Variants in PPFIBP2 observed in about 807,000 individuals in gnomAD.
PPFIBP2 encodes the protein PPFIB scaffold protein 2.
Under a neutral mutation model 118.3 loss-of-function variants are expected in PPFIBP2, and 118 were observed. That is an observed-to-expected ratio of 1.00 (90% CI 0.86 to 1.16). PPFIBP2 has a LOEUF of 1.16. PPFIBP2 is among the 50% of genes most tolerant of loss of function. The probability of loss-of-function intolerance (pLI) is 0.00; values close to 1 mark genes in which losing one functional copy is unlikely to be tolerated. For synonymous variants in PPFIBP2, 414 were observed against 397.4 expected (o/e 1.04, Z -0.50); for missense variants, 1,195 against 1,073.1 (o/e 1.11, Z -1.59).
intron 7 of PPFIBP2, among the ~76,000 whole-genome samples, chr11:7,621,810 G>A (rs1179799328): frequency 6.6e-6 from 1 of 152,216 alleles, no homozygotes; most frequent in African/African-American, 2.4e-5. Flanking sequence ...CCACCCAAGG[G>A]CATTACTGGA....
intron 1 of PPFIBP2, among the ~76,000 whole-genome samples, chr11:7,534,586 G>T (rs972851867): frequency 1.3e-5 from 2 of 152,164 alleles, no homozygotes. Context: ...GGCTGAGGAG[G>T]CACATTGCCA....
At chr11:7,656,807 G>A (rs554774715), downstream of PPFIBP2, 390 of 1,289,714 alleles carry the variant, frequency 3.0e-4, no homozygotes, top group Non-Finnish European at 3.8e-4. Flanking sequence ...GACTTTCTTC[G>A]TGGCTGAGAG....
chr11:7,617,093 T>C (rs1201403499), intron 6 of PPFIBP2: 2 of 984,968 alleles, frequency 2.0e-6, no homozygotes, highest in Admixed American at 6.1e-5. Flanking sequence ...TTTTCTCTTC[T>C]TTCTTTTCCT....
chr11:7,632,086 TGGTA>T (rs1850838464), intron 11 of PPFIBP2, among the ~76,000 whole-genome samples: 1 of 152,222 alleles, frequency 6.6e-6, no homozygotes, highest in Non-Finnish European at 1.5e-5. Context: ...CACAGTGTTG[TGGTA>T]GGTACAATAC....
intron 12 of PPFIBP2, among the ~76,000 whole-genome samples, chr11:7,633,520 G>T (rs905988379): frequency 2.0e-5 from 3 of 152,136 alleles, no homozygotes; most frequent in Admixed American, 1.3e-4. Flanking sequence ...AGGGAGACAT[G>T]GAGGCTTCAC....
chr11:7,663,914 G>A, the PPFIBP2 span, among the ~76,000 whole-genome samples: 1 of 152,162 alleles, frequency 6.6e-6, no homozygotes, highest in Non-Finnish European at 1.5e-5. Flanking sequence ...CGATTTTCCA[G>A]GTGCGTCCGT....
At chr11:7,595,570 A>G (rs1437361111) in intron 4 of PPFIBP2, among the ~76,000 whole-genome samples, 4 of 152,182 alleles carry the variant, frequency 2.6e-5, no homozygotes, top group Non-Finnish European at 4.4e-5. Context: ...TAAAGTCAGA[A>G]GTTGACCCTA....
At chr11:7,624,386 G>A (rs1035646808) in intron 7 of PPFIBP2, among the ~76,000 whole-genome samples, 15 of 152,204 alleles carry the variant, frequency 9.9e-5, no homozygotes, top group Non-Finnish European at 1.6e-4. Context: ...GTGAGCACGG[G>A]GGCTGATCAG....
intron 3 of PPFIBP2, among the ~76,000 whole-genome samples, chr11:7,576,046 C>G (rs1316964200): frequency 6.6e-6 from 1 of 152,256 alleles, no homozygotes; most frequent in African/African-American, 2.4e-5. Flanking sequence ...ACTGTGCTGC[C>G]AGGCATTGTT....
chr11:7,527,225 C>A (rs567836289), intron 1 of PPFIBP2, among the ~76,000 whole-genome samples: 4 of 151,920 alleles, frequency 2.6e-5, no homozygotes, highest in Non-Finnish European at 5.9e-5. Context: ...TTCAAGTAGG[C>A]TGAGGTTTTG....
intron 17 of PPFIBP2, among the ~76,000 whole-genome samples, chr11:7,645,026 C>CAAAAAAAAAAA (rs57087700): frequency 2.4e-5 from 2 of 81,814 alleles, no homozygotes; most frequent in South Asian, 5.5e-4. Context: ...GACTCCGTCT[C>CAAAAAAAAAAA]AAAAAAAAAA....
At chr11:7,590,967 C>T (rs190587089) in intron 3 of PPFIBP2, among the ~76,000 whole-genome samples, 18 of 152,274 alleles carry the variant, frequency 1.2e-4, no homozygotes, top group Admixed American at 2.0e-4. Flanking sequence ...TACTGATCTG[C>T]GGATCCTGTT....
chr11:7,655,568 G>T, downstream of PPFIBP2: 1 of 1,196,014 alleles, frequency 8.4e-7, no homozygotes, highest in Non-Finnish European at 1.1e-6. Flanking sequence ...GTGTGGTGTG[G>T]TGTGGTATGC....
chr11:7,615,210 A>G (rs1464035874), intron 6 of PPFIBP2, among the ~76,000 whole-genome samples: 1 of 151,960 alleles, frequency 6.6e-6, no homozygotes, highest in East Asian at 1.9e-4. Context: ...GGTGGTACAC[A>G]CTTGTAGTCC....
chr11:7,561,231 A>G (rs1211473917), intron 2 of PPFIBP2, among the ~76,000 whole-genome samples: 2 of 152,002 alleles, frequency 1.3e-5, no homozygotes, highest in African/African-American at 4.8e-5. Context: ...ATGCTTGGCT[A>G]ATTTTTGTAT....
chr11:7,652,240 T>C (rs751096773), intron 23 of PPFIBP2, among the ~76,000 whole-genome samples: 9 of 152,210 alleles, frequency 5.9e-5, no homozygotes, highest in Non-Finnish European at 8.8e-5. Flanking sequence ...CCTGCTGATA[T>C]AGGAAGTGCT....
chr11:7,545,749 T>C (rs1852261180), intron 1 of PPFIBP2, among the ~76,000 whole-genome samples: 3 of 152,198 alleles, frequency 2.0e-5, no homozygotes. Context: ...GGGGCAACTT[T>C]TGTTATTCAT....
intron 10 of PPFIBP2, among the ~76,000 whole-genome samples, chr11:7,630,053 A>T (rs1238413203): frequency 6.6e-6 from 1 of 152,212 alleles, no homozygotes; most frequent in Non-Finnish European, 1.5e-5. Context: ...TGAATGCAAC[A>T]TGCAAGCAGC....
chr11:7,588,731 T>G (rs1858662712), intron 3 of PPFIBP2, among the ~76,000 whole-genome samples: 1 of 152,248 alleles, frequency 6.6e-6, no homozygotes, highest in Admixed American at 6.5e-5. Flanking sequence ...AAGACTTTTT[T>G]CAGCCTCTTG....
Sources: gnomAD v4.1 joint callset for allele counts (sites outside exome capture counted in the v4.1 genomes callset) on GRCh38, gnomAD v4.1.1 for gene constraint, MANE v1.5 for transcripts, NCBI Gene and HGNC (gene_info 2026-07-23, HGNC 2026-07-21) for gene names.